The following TBC1D22A variants were observed in gnomAD, a reference collection of about 807,000 sequenced individuals.
The protein encoded by TBC1D22A is TBC1 domain family member 22A, also known as putative GTPase activator.
In TBC1D22A, 38 loss-of-function variants were observed where a neutral mutation model predicts 60.2. The observed-to-expected ratio is 0.63, with a 90% CI of 0.49 to 0.83. TBC1D22A has a LOEUF of 0.83. Among genes scored for constraint, TBC1D22A ranks in the 40% least tolerant of loss-of-function variants. The probability of loss-of-function intolerance (pLI) is 0.00; values close to 1 mark genes in which losing one functional copy is unlikely to be tolerated. For synonymous variants in TBC1D22A, 302 were observed against 281.7 expected, an observed-to-expected ratio of 1.07 and a Z score of -0.72; for missense variants, 628 against 701.0, an observed-to-expected ratio of 0.90 and a Z score of 1.18.
chr22:47,003,727 C>CTACACACACATGCCTGTACACACACACCG (rs2061478990), intron 10 of TBC1D22A, among the ~76,000 whole-genome samples: 1 of 132,258 alleles, frequency 7.6e-6, no homozygotes, highest in Non-Finnish European at 1.6e-5. Context: ...TACACACACT[C>CTACACACACATGCCTGTACACACACACCG]TACACACACA....
At chr22:46,780,415 A>G (rs996511457) in intron 1 of TBC1D22A, among the ~76,000 whole-genome samples, 2 of 151,110 alleles carry the variant, frequency 1.3e-5, no homozygotes, top group Non-Finnish European at 2.9e-5. Flanking sequence ...TGCTATTTTC[A>G]CCTACTGCTG....
chr22:46,897,862 G>C (rs975438158), intron 7 of TBC1D22A, among the ~76,000 whole-genome samples: 1 of 151,746 alleles, frequency 6.6e-6, no homozygotes, highest in African/African-American at 2.4e-5. Context: ...TTCAGTAAAG[G>C]CACGTTTAAA....
intron 11 of TBC1D22A, among the ~76,000 whole-genome samples, chr22:47,080,806 A>C (rs915396564): frequency 2.6e-5 from 4 of 152,144 alleles, no homozygotes; most frequent in Non-Finnish European, 5.9e-5. Flanking sequence ...GAGGAGATCA[A>C]CAAAATCAAA....
chr22:47,131,586 G>A (rs1236546009), intron 12 of TBC1D22A, among the ~76,000 whole-genome samples: 1 of 151,962 alleles, frequency 6.6e-6, no homozygotes, highest in Admixed American at 6.5e-5. Context: ...GCTGGAGCAA[G>A]AAGAGTAGAT....
At position 47,122,258 on chromosome 22, in the gene TBC1D22A, C is replaced by A. The variant is rs571580428; in HGVS notation, c.1425+10655C>A. ...TAGGCTGCACAAAGTGCCATTGAGGCTGGCTGTGCATTCCCTTTGGCTGAG... is the reference window on the plus strand; with the variant it reads ...TAGGCTGCACAAAGTGCCATTGAGGATGGCTGTGCATTCCCTTTGGCTGAG... On this transcript the variant is annotated intron_variant, in intron 12 of 12. Transcript: ENST00000337137. Among the ~76,000 whole-genome samples, 7 of 152,310 alleles carry A rather than the reference C, an allele frequency of 4.6e-5. No homozygotes were observed. In the South Asian group the frequency reaches 1.4e-3, roughly 32 times the overall value.
rs532144268 is a variant in TBC1D22A at position 46,805,147 on chromosome 22, G to A, written c.637+7527G>A. ...TTAGACTGTGATCCTCTCTTGGGCC[G>A]TGGCTGGAGTCACTCATCCTCCTGT... is the stretch of plus-strand genomic sequence containing the variant. On this transcript the variant is annotated intron_variant, in intron 4 of 12. Transcript: ENST00000337137. 1.4e-4 allele frequency among the ~76,000 whole-genome samples: 21 copies of A among 152,300 alleles called. 1 individual carries two copies. The East Asian group carries it at 3.5e-3, about 25-fold the overall frequency.
chr22:47,159,295 C>A (rs2067858161), intron 12 of TBC1D22A, among the ~76,000 whole-genome samples: 2 of 129,976 alleles, frequency 1.5e-5, no homozygotes, highest in African/African-American at 6.6e-5. Flanking sequence ...CACTACACAC[C>A]CCACACACAC....
chr22:46,905,537 G>A (rs1036658127), intron 7 of TBC1D22A, among the ~76,000 whole-genome samples: 25 of 152,364 alleles, frequency 1.6e-4, no homozygotes, highest in African/African-American at 5.8e-4. Flanking sequence ...CCCTGCAGCC[G>A]GCCCCGGGGA....
intron 4 of TBC1D22A, among the ~76,000 whole-genome samples, chr22:46,832,222 G>A (rs1239291734): frequency 6.6e-6 from 1 of 152,226 alleles, no homozygotes; most frequent in East Asian, 1.9e-4. Context: ...TGGCCATGGG[G>A]CAGATCCAGA....
At chr22:47,159,958 C>G (rs2067907040) in intron 12 of TBC1D22A, among the ~76,000 whole-genome samples, 1 of 151,988 alleles carries the variant, frequency 6.6e-6, no homozygotes, top group South Asian at 2.1e-4. Context: ...CTACACAGCA[C>G]ACATACAAAC....
At chr22:47,052,639 A>C (rs2063263310) in intron 11 of TBC1D22A, among the ~76,000 whole-genome samples, 2 of 152,166 alleles carry the variant, frequency 1.3e-5, no homozygotes, top group Admixed American at 1.3e-4. Context: ...CAGCCACATC[A>C]CAGCCCTCCT....
chr22:46,774,332 TC>T (rs942993747), intron 1 of TBC1D22A: 1 of 891,214 alleles, frequency 1.1e-6, no homozygotes, highest in Non-Finnish European at 1.3e-6. Context: ...CCTGGGCTCT[TC>T]CCATTTCTGG....
intron 11 of TBC1D22A, among the ~76,000 whole-genome samples, chr22:47,057,446 C>G (rs1005465149): frequency 6.6e-6 from 1 of 152,174 alleles, no homozygotes. Flanking sequence ...ACTTTCTTTC[C>G]GGGAGCCGTG....
chr22:47,068,241 G>A (rs994967721), intron 11 of TBC1D22A, among the ~76,000 whole-genome samples: 5 of 152,254 alleles, frequency 3.3e-5, no homozygotes, highest in Non-Finnish European at 7.3e-5. Context: ...CGAGGGGAGA[G>A]GAGCCGTTGC....
At chr22:46,865,162 T>C (rs1376938974) in intron 4 of TBC1D22A, among the ~76,000 whole-genome samples, 2 of 152,246 alleles carry the variant, frequency 1.3e-5, no homozygotes, top group Non-Finnish European at 2.9e-5. Flanking sequence ...CTGGCATCTC[T>C]GCAGGATCCA....
At chr22:46,920,783 T>G (rs1433999374) in intron 8 of TBC1D22A, among the ~76,000 whole-genome samples, 1 of 151,094 alleles carries the variant, frequency 6.6e-6, no homozygotes, top group Non-Finnish European at 1.5e-5. Context: ...TTTATTCATT[T>G]TTTTTTTTTG....
At chr22:46,900,468 G>T (rs2068928649) in intron 7 of TBC1D22A, among the ~76,000 whole-genome samples, 1 of 152,052 alleles carries the variant, frequency 6.6e-6, no homozygotes, top group African/African-American at 2.4e-5. Context: ...GTGTTTATAG[G>T]TGTGTACCAG....
Position 47,053,454 on chromosome 22 carries a change from G to A in TBC1D22A, c.1329+16256G>A, listed in dbSNP as rs1388544069. Among the ~76,000 whole-genome samples, 5 of 152,310 alleles carry A rather than the reference G, an allele frequency of 3.3e-5. 1 individual carries two copies. Among genetic ancestry groups the A allele is most frequent in the Admixed American group, 1.3e-4 (2 of 15,308 alleles). ...AAGCAGGGTGGCCTGTCCCAGGGCCGCCTCGTCAGGCGCACTCAGAGGCCT... is the reference window on the plus strand; with the variant it reads ...AAGCAGGGTGGCCTGTCCCAGGGCCACCTCGTCAGGCGCACTCAGAGGCCT... On this transcript the variant is annotated intron_variant, in intron 11 of 12. Coordinates refer to ENST00000337137, the MANE Select transcript of TBC1D22A (RefSeq NM_014346.5).
intron 8 of TBC1D22A, among the ~76,000 whole-genome samples, chr22:46,961,311 G>A (rs2073492294): frequency 6.6e-6 from 1 of 152,196 alleles, no homozygotes; most frequent in Non-Finnish European, 1.5e-5. Flanking sequence ...CCTTCCTTAT[G>A]TATTTGTCCT....
Sources: gnomAD v4.1 joint callset for allele counts (sites outside exome capture counted in the v4.1 genomes callset) on GRCh38, gnomAD v4.1.1 for gene constraint, MANE v1.5 for transcripts, NCBI Gene and HGNC (gene_info 2026-07-23, HGNC 2026-07-21) for gene names.